The following ZEB1 variants were observed in gnomAD, a reference collection of about 807,000 sequenced individuals.
ZEB1 encodes the protein zinc finger E-box-binding homeobox 1.
A neutral mutation model predicts 84.9 loss-of-function variants in ZEB1; 21 were observed. The observed-to-expected ratio is 0.25, with a 90% CI of 0.18 to 0.36. The LOEUF (loss-of-function observed/expected upper bound fraction) is 0.36. Among genes scored for constraint, ZEB1 ranks in the 10% least tolerant of loss-of-function variants. The probability of loss-of-function intolerance (pLI) is 1.00; values close to 1 mark genes in which losing one functional copy is unlikely to be tolerated. For missense variants in ZEB1, 1,104 were observed against 1,330.2 expected (o/e 0.83, Z 2.65); for synonymous variants, 420 against 471.1 (o/e 0.89, Z 1.41).
At chr10:31,375,090 C>CACAT (rs1204880411) in intron 1 of ZEB1, 2 of 139,920 alleles carry the variant, frequency 1.4e-5, no homozygotes, top group Admixed American at 1.4e-4. Flanking sequence ...CACACACACA[C>CACAT]AGAGAAGCAT....
intron 1 of ZEB1, among the ~76,000 whole-genome samples, chr10:31,376,475 C>T (rs752595253): frequency 2.6e-5 from 4 of 151,610 alleles, no homozygotes; most frequent in Non-Finnish European, 5.9e-5. Flanking sequence ...TACCAAGAAA[C>T]GTGAATATGA....
intron 1 of ZEB1, chr10:31,363,909 C>A: frequency 7.6e-7 from 1 of 1,311,904 alleles, no homozygotes; most frequent in Non-Finnish European, 9.8e-7. Flanking sequence ...CCACAATTCC[C>A]CGGGCAGGCA....
chr10:31,442,571 A>T (rs201259867), intron 1 of ZEB1, among the ~76,000 whole-genome samples: 10,397 of 151,992 alleles, frequency 0.068, 1,026 homozygotes, highest in African/African-American at 0.21. Context: ...TAATAATAAA[A>T]AAAAAAGAAA....
At chr10:31,353,692 T>C (rs781708548) in intron 1 of ZEB1, among the ~76,000 whole-genome samples, 1 of 152,248 alleles carries the variant, frequency 6.6e-6, no homozygotes, top group Non-Finnish European at 1.5e-5. Flanking sequence ...TAAAATATTT[T>C]AAAACAGGTA....
intron 2 of ZEB1, among the ~76,000 whole-genome samples, chr10:31,473,747 G>A (rs879582410): frequency 4.7e-5 from 7 of 149,598 alleles, no homozygotes; most frequent in Non-Finnish European, 7.4e-5. Context: ...AGCCTGCATC[G>A]CCAAGTCAAT....
At chr10:31,443,129 G>A (rs1433819087) in intron 1 of ZEB1, among the ~76,000 whole-genome samples, 1 of 152,306 alleles carries the variant, frequency 6.6e-6, no homozygotes, top group Non-Finnish European at 1.5e-5. Flanking sequence ...TATTTCTTCT[G>A]TTACTGAGGT....
In ZEB1 at chr10:31,338,333, A is replaced by G. The variant is rs111792857; in HGVS notation, c.58+19041A>G. On this transcript the variant is annotated intron_variant, in intron 1 of 8. Transcript: ENST00000424869. ...ATTAATTTATTTAGTATTCATTGCA[A>G]CCCTATGAGAAAGATCCTGCTATCT... is the stretch of plus-strand genomic sequence containing the variant. 4.8e-3 allele frequency among the ~76,000 whole-genome samples: 731 copies of G among 152,246 alleles called. 8 individuals are homozygous for G. Among genetic ancestry groups the G allele is most frequent in the African/African-American group, 0.015 (638 of 41,530 alleles).
At chr10:31,331,321 C>T (rs1443286193) in intron 1 of ZEB1, among the ~76,000 whole-genome samples, 5 of 151,844 alleles carry the variant, frequency 3.3e-5, no homozygotes, top group Admixed American at 6.6e-5. Context: ...CTCCTGACAT[C>T]GTGATCTGCC....
chr10:31,384,892 G>C (rs577717835), intron 1 of ZEB1, among the ~76,000 whole-genome samples: 1 of 152,140 alleles, frequency 6.6e-6, no homozygotes, highest in South Asian at 2.1e-4. Context: ...ACTTTGGGTT[G>C]GTCTTTACCC....
intron 1 of ZEB1, among the ~76,000 whole-genome samples, chr10:31,378,710 C>T (rs985119471): frequency 5.9e-5 from 9 of 151,722 alleles, no homozygotes; most frequent in African/African-American, 1.5e-4. Flanking sequence ...TAATCATTAA[C>T]ACGGTAAAAG....
chr10:31,483,015 G>T (rs2065255736), intron 2 of ZEB1, among the ~76,000 whole-genome samples: 1 of 152,050 alleles, frequency 6.6e-6, no homozygotes, highest in South Asian at 2.1e-4. Flanking sequence ...ACCTGGTCGC[G>T]ATACCTTGAA....
intron 1 of ZEB1, among the ~76,000 whole-genome samples, chr10:31,333,403 A>C (rs2037241410): frequency 6.6e-6 from 1 of 152,158 alleles, no homozygotes; most frequent in African/African-American, 2.4e-5. Flanking sequence ...TCTGAAATGT[A>C]AAAAGGATAA....
At chr10:31,337,028 A>G (rs183658707) in intron 1 of ZEB1, among the ~76,000 whole-genome samples, 92 of 152,268 alleles carry the variant, frequency 6.0e-4, no homozygotes, top group African/African-American at 2.0e-3. Context: ...TACAGTACTG[A>G]TCACAATAAC....
At chr10:31,495,035 A>G (rs1327572508) in intron 2 of ZEB1, among the ~76,000 whole-genome samples, 4 of 152,178 alleles carry the variant, frequency 2.6e-5, no homozygotes, top group Non-Finnish European at 5.9e-5. Context: ...TGGTCCAGTC[A>G]TCTTTCTAGT....
intron 1 of ZEB1, among the ~76,000 whole-genome samples, chr10:31,456,471 G>A (rs1040455714): frequency 2.0e-5 from 3 of 152,074 alleles, no homozygotes; most frequent in Non-Finnish European, 4.4e-5. Context: ...AGATTCTAAT[G>A]GTTAAAATTG....
At chr10:31,425,905 T>C (rs969936917) in intron 1 of ZEB1, among the ~76,000 whole-genome samples, 1 of 152,182 alleles carries the variant, frequency 6.6e-6, no homozygotes, top group African/African-American at 2.4e-5. Context: ...CAGTTGTATA[T>C]GCATACATAT....
At position 31,327,300 on chromosome 10, in the gene ZEB1, G is replaced by A. The variant is rs898528695; in HGVS notation, c.58+8008G>A. 6.6e-5 allele frequency among the ~76,000 whole-genome samples: 10 copies of A among 151,748 alleles called. No individual in the cohort carries two copies. In the East Asian group the frequency reaches 1.7e-3, roughly 26 times the overall value. On this transcript the variant is annotated intron_variant, in intron 1 of 8. Coordinates refer to ENST00000424869, the MANE Select transcript of ZEB1 (RefSeq NM_001174096.2). ...TGATTTTTGTATTTTTAGTAAAGAT[G>A]GGGTTTTGCCATGTTAGCCAGGCTG...
At chr10:31,320,858 A>C (rs977867042) in intron 1 of ZEB1, among the ~76,000 whole-genome samples, 1 of 152,116 alleles carries the variant, frequency 6.6e-6, no homozygotes, top group African/African-American at 2.4e-5. Flanking sequence ...CAGGGAGAGC[A>C]GCCCCCGCCT....
At chr10:31,479,058 T>A (rs2064692537) in intron 2 of ZEB1, among the ~76,000 whole-genome samples, 1 of 151,480 alleles carries the variant, frequency 6.6e-6, no homozygotes, top group Non-Finnish European at 1.5e-5. Context: ...AGGAAAAGGG[T>A]ACACTACAAC....
Sources: gnomAD v4.1 joint callset for allele counts (sites outside exome capture counted in the v4.1 genomes callset) on GRCh38, gnomAD v4.1.1 for gene constraint, MANE v1.5 for transcripts, NCBI Gene and HGNC (gene_info 2026-07-23, HGNC 2026-07-21) for gene names.